PKP4: variants seen among roughly 807,000 people sequenced by gnomAD.
The protein encoded by PKP4 is plakophilin 4, also known as plakophilin-4.
PKP4 carries 90 observed loss-of-function variants against 145.1 expected under a neutral mutation model. That is an observed-to-expected ratio of 0.62 (90% CI 0.52 to 0.74). PKP4 has a LOEUF of 0.74. Ranked by LOEUF, PKP4 falls within the 30% of genes least tolerant of loss-of-function variation. PKP4 has a pLI of 0.00. For missense variants in PKP4, 1,340 were observed against 1,482.7 expected, an observed-to-expected ratio of 0.90 and a Z score of 1.58; for synonymous variants, 563 against 577.2, an observed-to-expected ratio of 0.98 and a Z score of 0.35.
At chr2:158,618,779 G>A (rs999263139) in intron 4 of PKP4, among the ~76,000 whole-genome samples, 2 of 151,718 alleles carry the variant, frequency 1.3e-5, no homozygotes, top group Non-Finnish European at 2.9e-5. Context: ...AAGTGGGTGG[G>A]CAGCTTACAT....
intron 3 of PKP4, among the ~76,000 whole-genome samples, chr2:158,587,871 TTA>T (rs1272046686): frequency 6.6e-6 from 1 of 151,788 alleles, no homozygotes; most frequent in Non-Finnish European, 1.5e-5. Context: ...TATACAGTAC[TTA>T]TATATTATAT....
At chr2:158,567,538 G>T (rs1291355655) in intron 2 of PKP4, among the ~76,000 whole-genome samples, 1 of 152,178 alleles carries the variant, frequency 6.6e-6, no homozygotes, top group Non-Finnish European at 1.5e-5. Flanking sequence ...TCTTGGTTTT[G>T]AGTGACCATA....
At chr2:158,520,012 T>G (rs377153528) in intron 1 of PKP4, among the ~76,000 whole-genome samples, 1 of 152,232 alleles carries the variant, frequency 6.6e-6, no homozygotes, top group African/African-American at 2.4e-5. Context: ...CGTAGTACTT[T>G]TCAAAAAGAT....
chr2:158,567,811 C>T (rs2047115604), intron 2 of PKP4, among the ~76,000 whole-genome samples: 1 of 151,928 alleles, frequency 6.6e-6, no homozygotes, highest in South Asian at 2.1e-4. Flanking sequence ...TTAATGTGAA[C>T]CTGAAGGAAT....
chr2:158,557,767 A>G lies in PKP4; in HGVS notation c.133-19504A>G, dbSNP rs575513765. On this transcript the variant is annotated intron_variant, in intron 2 of 21. Transcript: ENST00000389759. ...AGATCCAAGGAGAATGAGAGATGGAACAGGACCTGTTTACGTTTGTGTGTG... is the reference window on the plus strand; with the variant it reads ...AGATCCAAGGAGAATGAGAGATGGAGCAGGACCTGTTTACGTTTGTGTGTG... Among the ~76,000 whole-genome samples, 5 of 152,344 alleles carry G rather than the reference A, an allele frequency of 3.3e-5. No homozygotes were observed. In the South Asian group the frequency reaches 1.0e-3, roughly 32 times the overall value.
rs147773246 is a variant in PKP4, at chr2:158,498,404, T to C, written c.-5-34776T>C. ...CATTTTATAGTCCACTACATTCTCA[T>C]GATGGATTCTGTACTTTGCTTCAGA... On this transcript the variant is annotated intron_variant, in intron 1 of 21. Transcript: ENST00000389759. 2.6e-4 allele frequency among the ~76,000 whole-genome samples: 39 copies of C among 152,372 alleles called. 1 individual carries two copies. The East Asian group carries it at 7.3e-3, about 29-fold the overall frequency.
chr2:158,605,279 T>A (rs1446922224), intron 4 of PKP4, among the ~76,000 whole-genome samples: 1 of 149,788 alleles, frequency 6.7e-6, no homozygotes, highest in African/African-American at 2.4e-5. Flanking sequence ...AAAGTGTCTC[T>A]TTTTTCTCTC....
intron 11 of PKP4, among the ~76,000 whole-genome samples, chr2:158,655,839 C>T (rs2055860098): frequency 6.6e-6 from 1 of 152,200 alleles, no homozygotes; most frequent in African/African-American, 2.4e-5. Flanking sequence ...TCCTGGAGGC[C>T]CCATCAGGGC....
intron 17 of PKP4, among the ~76,000 whole-genome samples, chr2:158,671,439 G>A (rs918185769): frequency 1.3e-5 from 2 of 152,244 alleles, no homozygotes; most frequent in Admixed American, 6.5e-5. Context: ...TTAAAATGTC[G>A]CTGGACAGCC....
intron 3 of PKP4, among the ~76,000 whole-genome samples, chr2:158,589,896 G>C (rs1047255154): frequency 6.6e-6 from 1 of 152,036 alleles, no homozygotes; most frequent in African/African-American, 2.4e-5. Context: ...CTGAAAATGT[G>C]ATTATCTACC....
intron 1 of PKP4, among the ~76,000 whole-genome samples, chr2:158,510,161 TAAACA>T (rs1347936434): frequency 6.6e-6 from 1 of 152,230 alleles, no homozygotes; most frequent in African/African-American, 2.4e-5. Context: ...TGCCAACTAA[TAAACA>T]AAAGACTTCA....
intron 2 of PKP4, among the ~76,000 whole-genome samples, chr2:158,551,150 T>TA (rs1292618309): frequency 6.6e-6 from 1 of 152,246 alleles, no homozygotes; most frequent in Non-Finnish European, 1.5e-5. Context: ...AAAAGAATAG[T>TA]AAGAATCCTA....
chr2:158,623,372 T>C (rs1256373930), intron 6 of PKP4, among the ~76,000 whole-genome samples: 2 of 152,060 alleles, frequency 1.3e-5, no homozygotes, highest in African/African-American at 4.8e-5. Context: ...TTGTAGAGGC[T>C]GGGCCTCACT....
intron 3 of PKP4, among the ~76,000 whole-genome samples, chr2:158,598,518 A>G (rs996293445): frequency 2.0e-5 from 3 of 152,216 alleles, no homozygotes; most frequent in African/African-American, 7.2e-5. Context: ...CTGTAATCCT[A>G]GCACTTTGGG....
chr2:158,607,745 T>C (rs1395538927), intron 4 of PKP4, among the ~76,000 whole-genome samples: 1 of 152,100 alleles, frequency 6.6e-6, no homozygotes, highest in Admixed American at 6.5e-5. Context: ...AGAGGGCAGT[T>C]GTGGATTTTT....
intron 2 of PKP4, among the ~76,000 whole-genome samples, chr2:158,574,529 T>A (rs999342376): frequency 3.9e-5 from 6 of 152,246 alleles, no homozygotes; most frequent in African/African-American, 1.4e-4. Context: ...AGAGACTGAA[T>A]TATCAAATAT....
intron 9 of PKP4, among the ~76,000 whole-genome samples, chr2:158,635,338 C>T (rs2053717903): frequency 1.3e-5 from 2 of 152,158 alleles, no homozygotes; most frequent in African/African-American, 2.4e-5. Context: ...GGTTCTGCTA[C>T]TCCTGGTTTG....
rs551085336 is a variant in PKP4 at position 158,536,590 on chromosome 2, T to G, written c.132+3274T>G. 1.6e-4 allele frequency among the ~76,000 whole-genome samples: 24 copies of G among 152,224 alleles called. No homozygotes were observed. In the South Asian group the frequency reaches 3.9e-3, roughly 25 times the overall value. ...TAAATATCTGAAATTGGACATAGAGTGTCATAAAACAGTGAAATCTTTCTT... is the reference window on the plus strand; with the variant it reads ...TAAATATCTGAAATTGGACATAGAGGGTCATAAAACAGTGAAATCTTTCTT... On this transcript the variant is annotated intron_variant, in intron 2 of 21. Transcript: ENST00000389759.
At chr2:158,607,668 C>T (rs928195101) in intron 4 of PKP4, among the ~76,000 whole-genome samples, 3 of 152,070 alleles carry the variant, frequency 2.0e-5, no homozygotes, top group Admixed American at 2.0e-4. Context: ...CAGAGAAATA[C>T]CCTGATTTCC....
Sources: allele counts gnomAD v4.1 joint callset (sites outside exome capture counted in the v4.1 genomes callset), GRCh38; gene constraint gnomAD v4.1.1; transcripts MANE v1.5; gene names NCBI Gene and HGNC (gene_info 2026-07-23, HGNC 2026-07-21).